ARCN1: variants seen among roughly 807,000 people sequenced by gnomAD.
The protein encoded by ARCN1 is archain 1 coat protein complex I subunit delta, also known as coatomer subunit delta.
ARCN1 carries 5 observed loss-of-function variants against 60.4 expected under a neutral mutation model. The ratio of observed to expected loss-of-function variants is 0.08; its 90% CI spans 0.04 to 0.17. The LOEUF is 0.17. Among genes scored for constraint, ARCN1 ranks in the 10% least tolerant of loss-of-function variants. The pLI, the probability that ARCN1 is intolerant of heterozygous loss-of-function variation, is 1.00. For missense variants in ARCN1, 464 were observed against 626.5 expected (o/e 0.74, Z 2.77); for synonymous variants, 224 against 220.0 (o/e 1.02, Z -0.16).
chr11:118,597,350 C>G (rs887354933), intron 8 of ARCN1, among the ~76,000 whole-genome samples: 3 of 152,190 alleles, frequency 2.0e-5, no homozygotes, highest in African/African-American at 7.2e-5. Flanking sequence ...GTTAAAATTC[C>G]TTATTTATAG....
chr11:118,589,498 C>T (rs1555075940), intron 5 of ARCN1, among the ~76,000 whole-genome samples: 4 of 152,088 alleles, frequency 2.6e-5, no homozygotes, highest in East Asian at 1.9e-4. Context: ...GGCACCATCT[C>T]GGCTCACTGC....
At chr11:118,599,584 C>T (rs1159215054) in intron 9 of ARCN1, among the ~76,000 whole-genome samples, 1 of 151,802 alleles carries the variant, frequency 6.6e-6, no homozygotes, top group African/African-American at 2.4e-5. Context: ...TACTGCCACA[C>T]CCAGCTAATT....
chr11:118,587,348 T>C lies in ARCN1; in HGVS notation c.818+2704T>C, dbSNP rs1166826076. 2.6e-5 allele frequency among the ~76,000 whole-genome samples: 4 copies of C among 152,178 alleles called. No individual in the cohort carries two copies. In the East Asian group the frequency reaches 7.7e-4, roughly 29 times the overall value. The stretch of plus-strand genomic sequence containing the variant: ...CTTCTAAGGGGGATGGTCTGTGATA[T>C]ACAGATGAATAAAAAACATGTATAC... On this transcript the variant is annotated intron_variant, in intron 5 of 9. Coordinates refer to ENST00000264028, the MANE Select transcript of ARCN1 (RefSeq NM_001655.5).
chr11:118,598,901 A>G (rs781791679), intron 9 of ARCN1, among the ~76,000 whole-genome samples: 2 of 150,256 alleles, frequency 1.3e-5, no homozygotes, highest in Non-Finnish European at 3.0e-5. Flanking sequence ...GGTTCAAGCA[A>G]TTCTGTCTCA....
intron 1 of ARCN1, among the ~76,000 whole-genome samples, chr11:118,576,433 A>C (rs566561413): frequency 0.016 from 2,327 of 142,728 alleles, 107 homozygotes; most frequent in African/African-American, 0.056. Context: ...TGTTAAAAAA[A>C]AAAAAAAAAA....
intron 5 of ARCN1, among the ~76,000 whole-genome samples, chr11:118,589,452 C>CA (rs1938848796): frequency 6.7e-6 from 1 of 149,510 alleles, no homozygotes; most frequent in Non-Finnish European, 1.5e-5. Context: ...TTTTTTGAGA[C>CA]AGAGTCTCAC....
chr11:118,594,724 A>G (rs1249914143), intron 8 of ARCN1, among the ~76,000 whole-genome samples: 1 of 151,628 alleles, frequency 6.6e-6, no homozygotes, highest in Non-Finnish European at 1.5e-5. Context: ...TAATTTTTGT[A>G]TTATTAGTAG....
intron 1 of ARCN1, among the ~76,000 whole-genome samples, chr11:118,575,668 A>G (rs1413898578): frequency 6.6e-6 from 1 of 152,196 alleles, no homozygotes; most frequent in Admixed American, 6.6e-5. Context: ...GTGCATGTAT[A>G]TGTGTATAAA....
At chr11:118,575,368 A>G (rs1329689967) in intron 1 of ARCN1, among the ~76,000 whole-genome samples, 1 of 151,992 alleles carries the variant, frequency 6.6e-6, no homozygotes, top group East Asian at 1.9e-4. Flanking sequence ...TTTGCCATCT[A>G]TTTATGTCTT....
intron 5 of ARCN1, among the ~76,000 whole-genome samples, chr11:118,587,633 G>A (rs1222058984): frequency 2.0e-5 from 3 of 152,184 alleles, no homozygotes; most frequent in East Asian, 3.9e-4. Flanking sequence ...GATCAAGTGT[G>A]TTTAGATTTT....
At chr11:118,593,494 CT>C in intron 7 of ARCN1, 95 bp from the exon 8 acceptor site, 1 of 773,938 alleles carries the variant, frequency 1.3e-6, no homozygotes. Context: ...ATCCTACCAC[CT>C]TGGTCCTCTA....
At chr11:118,593,192 T>C (rs1458563490) in intron 7 of ARCN1, among the ~76,000 whole-genome samples, 1 of 151,992 alleles carries the variant, frequency 6.6e-6, no homozygotes, top group Admixed American at 6.6e-5. Flanking sequence ...GCCTCTTTAG[T>C]AGCTGGGACT....
Position 118,590,365 on chromosome 11 carries a change from G to T in ARCN1, c.843G>T (p.Lys281Asn). 2 of 1,613,786 alleles carry T rather than the reference G, an allele frequency of 1.2e-6. No individual in the cohort carries two copies. The highest frequency in any genetic ancestry group is 1.7e-6 in the Non-Finnish European group (2 of 1,179,714). The change falls in exon 6 of 10, where the codon AAG (lysine) becomes AAT (asparagine). Residue 281 changes from lysine (K) to asparagine (N), a missense_variant. Lys to Asn is a moderately conservative substitution (Grantham distance 94, BLOSUM62 0). Coordinates refer to ENST00000264028, the MANE Select transcript of ARCN1 (RefSeq NM_001655.5). Reference sequence around the variant, plus strand: ...GTGTACATATGAAGATTGAAGAAAAGATAACATTAACCTGTGGACGAGACG... The same window carrying T: ...GTGTACATATGAAGATTGAAGAAAATATAACATTAACCTGTGGACGAGACG... ...MESVHMKIEE[K>N]ITLTCGRDGG...
At chr11:118,585,328 T>C (rs1555075328) in intron 5 of ARCN1, among the ~76,000 whole-genome samples, 1 of 152,108 alleles carries the variant, frequency 6.6e-6, no homozygotes, top group East Asian at 1.9e-4. Context: ...GTTTAGAACT[T>C]TCCTTTTACA....
At chr11:118,586,707 A>G (rs1477987281) in intron 5 of ARCN1, among the ~76,000 whole-genome samples, 1 of 151,794 alleles carries the variant, frequency 6.6e-6, no homozygotes, top group Non-Finnish European at 1.5e-5. Flanking sequence ...AAAAAATTAG[A>G]TGGGCGTGGT....
intron 3 of ARCN1, 147 bp downstream of exon 3, chr11:118,583,505 G>A (rs1938706560): frequency 1.9e-6 from 2 of 1,051,764 alleles, no homozygotes; most frequent in African/African-American, 1.6e-5. Context: ...TGTAATCTCA[G>A]CACTTTGGGA....
chr11:118,597,695 T>C lies in ARCN1; in HGVS notation c.1242-12T>C. The C allele has an allele frequency of 6.2e-7, 1 of 1,613,536 alleles. No individual in the cohort carries two copies. The highest frequency in any genetic ancestry group is 1.1e-5 in the South Asian group (1 of 90,952). On this transcript the variant is annotated splice_polypyrimidine_tract_variant and intron_variant, in intron 8 of 9. Coordinates refer to ENST00000264028, the MANE Select transcript of ARCN1 (RefSeq NM_001655.5). ...TGAACAGCTACCTTGACCAGAATGT[T>C]TCTCACAACAGGTCTGGTGTCGGCG...
intron 5 of ARCN1, among the ~76,000 whole-genome samples, chr11:118,590,066 G>A (rs1555076016): frequency 2.0e-5 from 3 of 151,912 alleles, no homozygotes; most frequent in African/African-American, 7.3e-5. Flanking sequence ...GGACAATCTC[G>A]GCTCACCACA....
At chr11:118,576,301 T>G (rs1555073558) in intron 1 of ARCN1, among the ~76,000 whole-genome samples, 1 of 145,294 alleles carries the variant, frequency 6.9e-6, no homozygotes, top group Non-Finnish European at 1.5e-5. Flanking sequence ...ATGAGGGAAT[T>G]TTTTTTTTTT....
Sources: allele counts gnomAD v4.1 joint callset (sites outside exome capture counted in the v4.1 genomes callset), GRCh38; gene constraint gnomAD v4.1.1; transcripts MANE v1.5; gene names NCBI Gene and HGNC (gene_info 2026-07-23, HGNC 2026-07-21).